TRPC4AP: variants seen among roughly 807,000 people sequenced by gnomAD.
TRPC4AP encodes the protein short transient receptor potential channel 4-associated protein.
TRPC4AP carries 45 observed loss-of-function variants against 99.0 expected under a neutral mutation model. That is an observed-to-expected ratio of 0.45 (90% CI 0.36 to 0.58). The LOEUF (loss-of-function observed/expected upper bound fraction) is 0.58, where lower values mean the gene tolerates loss of function less well. TRPC4AP is among the 20% of genes least tolerant of loss of function. TRPC4AP has a pLI of 0.00. For missense variants in TRPC4AP, 879 were observed against 985.3 expected, an observed-to-expected ratio of 0.89 and a Z score of 1.44; for synonymous variants, 408 against 385.8, an observed-to-expected ratio of 1.06 and a Z score of -0.67.
intron 1 of TRPC4AP, 98 bp downstream of exon 1, chr20:35,092,516 G>C (rs2085102855): frequency 7.4e-7 from 1 of 1,347,420 alleles, no homozygotes; most frequent in Non-Finnish European, 9.6e-7. Context: ...AAAGGGCTTT[G>C]GCCCGTCCAG....
Position 35,003,393 on chromosome 20 carries a change from G to GA in TRPC4AP, c.2256+16dup, listed in dbSNP as rs1425037265. 3 of 1,521,372 alleles carry GA rather than the reference G, an allele frequency of 2.0e-6. No homozygotes were observed. The highest frequency in any genetic ancestry group is 2.6e-6 in the Non-Finnish European group (3 of 1,137,650). The allele number at this position is 1,521,372 out of a possible 1,614,324, so 94.2% of individuals were successfully genotyped here. On this transcript the variant is annotated intron_variant, in intron 18 of 18. Transcript: ENST00000252015. ...TCCGCGGCCCACCCATCACCCCCTTGAGGGTGGGGCACTCACGTTCTCTAG... is the reference window on the plus strand; with the variant it reads ...TCCGCGGCCCACCCATCACCCCCTTGAAGGGTGGGGCACTCACGTTCTCTAG...
chr20:35,071,953 CCTGA>C (rs1205836319), intron 2 of TRPC4AP, among the ~76,000 whole-genome samples: 1 of 152,184 alleles, frequency 6.6e-6, no homozygotes, highest in East Asian at 1.9e-4. Context: ...CCTGTTGTTT[CCTGA>C]CTTTTTAATA....
At chr20:35,084,581 TATG>T (rs2084762680) in intron 1 of TRPC4AP, among the ~76,000 whole-genome samples, 1 of 137,374 alleles carries the variant, frequency 7.3e-6, no homozygotes, top group Non-Finnish European at 1.6e-5. Context: ...TATATGTATA[TATG>T]TTTATATGCA....
chr20:35,008,092 G>A (rs1487635764), intron 13 of TRPC4AP, among the ~76,000 whole-genome samples: 1 of 152,216 alleles, frequency 6.6e-6, no homozygotes, highest in Non-Finnish European at 1.5e-5. Flanking sequence ...GGGACCCAGA[G>A]GGCACAGCGG....
chr20:35,044,608 T>C lies in TRPC4AP; in HGVS notation c.762A>G (p.Ser254=). The C allele has an allele frequency of 1.2e-6, 2 of 1,614,114 alleles. No homozygotes were observed. The highest frequency in any genetic ancestry group is 1.7e-6 in the Non-Finnish European group (2 of 1,180,012). The part of the protein sequence containing the change: ...NFCRILAVTI[S]EMDTGNDDKH... ...TGTCATCATTCCCTGTATCCATCTC[T>C]GAAATGGTGACAGCCAGAATCCGGC... The change falls in exon 7 of 19, where the codon TCA becomes TCG. Residue 254 remains serine (S), a synonymous_variant. Transcript: ENST00000252015.
intron 1 of TRPC4AP, among the ~76,000 whole-genome samples, chr20:35,087,162 T>C (rs1194346589): frequency 1.5e-5 from 2 of 136,638 alleles, no homozygotes; most frequent in Non-Finnish European, 3.1e-5. Context: ...ACCCCGTCTC[T>C]ACTAAAAATA....
At chr20:35,060,600 A>C (rs1321212095) in intron 3 of TRPC4AP, among the ~76,000 whole-genome samples, 2 of 150,914 alleles carry the variant, frequency 1.3e-5, no homozygotes, top group Admixed American at 1.3e-4. Context: ...AAAAAAAAAA[A>C]AAAAAAAAAA....
At chr20:35,077,310 G>C (rs1445200573) in intron 2 of TRPC4AP, among the ~76,000 whole-genome samples, 1 of 152,132 alleles carries the variant, frequency 6.6e-6, no homozygotes, top group Non-Finnish European at 1.5e-5. Context: ...ACCTCAGTTG[G>C]AAATGCAAAA....
intron 7 of TRPC4AP, among the ~76,000 whole-genome samples, chr20:35,035,682 A>G (rs2083301190): frequency 6.6e-6 from 1 of 152,202 alleles, no homozygotes; most frequent in South Asian, 2.1e-4. Flanking sequence ...CTGTAACAGC[A>G]AAAAGGTGAA....
chr20:35,015,332 A>T (rs2082726415), intron 10 of TRPC4AP, among the ~76,000 whole-genome samples: 1 of 152,142 alleles, frequency 6.6e-6, no homozygotes, highest in Non-Finnish European at 1.5e-5. Context: ...AAATTACAAT[A>T]GGATAAAACA....
chr20:35,050,530 C>G (rs540466237), intron 5 of TRPC4AP, among the ~76,000 whole-genome samples: 2 of 151,988 alleles, frequency 1.3e-5, no homozygotes, highest in Non-Finnish European at 2.9e-5. Flanking sequence ...GCCTGGCCAA[C>G]GTGCCAAAAC....
rs28536059 is a variant in TRPC4AP at position 35,086,525 on chromosome 20, A to G, written c.168+6089T>C. Among the ~76,000 whole-genome samples, 68 of 69,212 alleles carry G rather than the reference A, an allele frequency of 9.8e-4. 1 individual carries two copies. Among genetic ancestry groups the G allele is most frequent in the East Asian group, 3.1e-3 (7 of 2,228 alleles). The allele number at this position is 69,212 out of a possible 152,430, so 45.4% of individuals were successfully genotyped here. A position where few individuals can be genotyped will look rare whatever the true frequency, so the allele number is the denominator to read the frequency against. ...TATATATATGTGTGTGTGTGTATAT[A>G]TGTGTGTGTGTGTGTGTGTGTGTGT... On this transcript the variant is annotated intron_variant, in intron 1 of 18. Transcript: ENST00000252015.
intron 1 of TRPC4AP, among the ~76,000 whole-genome samples, chr20:35,091,152 C>A (rs1314666525): frequency 6.6e-6 from 1 of 151,872 alleles, no homozygotes; most frequent in Non-Finnish European, 1.5e-5. Flanking sequence ...ACACCACCAC[C>A]ATGCCCGGCT....
intron 1 of TRPC4AP, among the ~76,000 whole-genome samples, chr20:35,084,481 T>A (rs1028471123): frequency 8.4e-6 from 1 of 119,142 alleles, no homozygotes; most frequent in African/African-American, 2.7e-5. Context: ...TATATATGTG[T>A]ATATATGTAT....
chr20:35,012,921 G>C, intron 11 of TRPC4AP, 87 bp downstream of exon 11: 2 of 1,420,288 alleles, frequency 1.4e-6, no homozygotes, highest in Non-Finnish European at 2.0e-6. Context: ...GCCTCCTCTC[G>C]AGCTGAGGTC....
In TRPC4AP at chr20:35,092,753, G is replaced by A. The variant is rs771463865; in HGVS notation, c.29C>T (p.Ser10Phe). MAAAPVAAGSGAGRGRRSAA... is the reference protein window; with the variant it reads MAAAPVAAGFGAGRGRRSAA... ...CGACCGTCTCCCTCGGCCGGCTCCA[G>A]ACCCAGCCGCTACCGGCGCCGCCGC... The change falls in exon 1 of 19, where the codon TCT becomes TTT. Residue 10 changes from serine to phenylalanine, a missense_variant. Ser to Phe is a radical substitution (Grantham distance 155). Around this residue, in one of 3 missense-constraint regions of TRPC4AP, gnomAD observed 603 missense variants for 631.8 expected, o/e 0.95. Coordinates refer to ENST00000252015, the MANE Select transcript of TRPC4AP (RefSeq NM_015638.3). 34 of 1,546,938 alleles carry A rather than the reference G, an allele frequency of 2.2e-5. No homozygotes were observed. The highest frequency in any genetic ancestry group is 1.8e-4 in the African/African-American group (13 of 70,308).
At chr20:35,012,880 G>A (rs2082669048) in intron 11 of TRPC4AP, 128 bp downstream of exon 11, 1 of 886,218 alleles carries the variant, frequency 1.1e-6, no homozygotes, top group African/African-American at 1.7e-5. Context: ...TGCTAACACT[G>A]AGGGGACAGT....
At chr20:35,065,977 AAAG>A (rs1291641311) in intron 3 of TRPC4AP, among the ~76,000 whole-genome samples, 1 of 152,238 alleles carries the variant, frequency 6.6e-6, no homozygotes, top group African/African-American at 2.4e-5. Flanking sequence ...AGCAGCAGTT[AAAG>A]AAGAAAGGCT....
chr20:35,005,819 G>A lies in TRPC4AP; in HGVS notation c.1828-16C>T, dbSNP rs780257586. On this transcript the variant is annotated splice_polypyrimidine_tract_variant and intron_variant, in intron 15 of 18. Transcript: ENST00000252015. ...ATACCTGGAACTATACAGAAACCAA[G>A]CTCACAGCAGGCAGTGGGCTGCTGG... 5.0e-6 allele frequency: 8 copies of A among 1,612,818 alleles called. No individual in the cohort carries two copies. The highest frequency in any genetic ancestry group is 6.8e-6 in the Non-Finnish European group (8 of 1,178,908).
Sources: allele counts gnomAD v4.1 joint callset (sites outside exome capture counted in the v4.1 genomes callset), GRCh38; gene constraint gnomAD v4.1.1; regional missense constraint gnomAD v4.1.1; transcripts MANE v1.5; gene names NCBI Gene and HGNC (gene_info 2026-07-23, HGNC 2026-07-21).